The following ANKRD12 variants were observed in gnomAD, a reference collection of about 807,000 sequenced individuals.
ANKRD12 encodes ankyrin repeat domain-containing protein 12.
In ANKRD12, 85 loss-of-function variants were observed where a neutral mutation model predicts 183.4. That is an observed-to-expected ratio of 0.46 (90% confidence interval 0.39 to 0.56). The LOEUF is 0.56. ANKRD12 is among the 20% of genes least tolerant of loss of function. ANKRD12 has a pLI of 0.00. For missense variants in ANKRD12, 2,405 were observed against 2,357.1 expected, an observed-to-expected ratio of 1.02 and a Z score of -0.42; for synonymous variants, 914 against 800.2, an observed-to-expected ratio of 1.14 and a Z score of -2.40.
chr18:9,220,741 CAA>C (rs1266788916), intron 7 of ANKRD12, among the ~76,000 whole-genome samples: 4 of 152,202 alleles, frequency 2.6e-5, no homozygotes, highest in East Asian at 3.9e-4. Context: ...AGAAAGCAGA[CAA>C]GAGAATGAAT....
At chr18:9,175,850 C>T (rs1292673627) in intron 1 of ANKRD12, among the ~76,000 whole-genome samples, 2 of 152,072 alleles carry the variant, frequency 1.3e-5, no homozygotes, top group African/African-American at 4.8e-5. Context: ...TGACAAAGTT[C>T]AGCCTCATCC....
chr18:9,156,426 T>C (rs898828644), intron 1 of ANKRD12, among the ~76,000 whole-genome samples: 2 of 152,094 alleles, frequency 1.3e-5, no homozygotes, highest in Non-Finnish European at 2.9e-5. Flanking sequence ...GACAGAGTAT[T>C]GGTGGAACAG....
At chr18:9,215,973 A>G (rs1197350609) in intron 6 of ANKRD12, among the ~76,000 whole-genome samples, 1 of 151,802 alleles carries the variant, frequency 6.6e-6, no homozygotes, top group African/African-American at 2.4e-5. Flanking sequence ...GCCAGAAAAC[A>G]GATTGACCTT....
At chr18:9,181,483 T>C (rs2033696622) in intron 1 of ANKRD12, among the ~76,000 whole-genome samples, 1 of 152,220 alleles carries the variant, frequency 6.6e-6, no homozygotes, top group African/African-American at 2.4e-5. Flanking sequence ...GTCATTCTGC[T>C]TCTTGTTGTA....
chr18:9,162,472 C>T (rs1187579771), intron 1 of ANKRD12, among the ~76,000 whole-genome samples: 15 of 152,088 alleles, frequency 9.9e-5, no homozygotes, highest in African/African-American at 3.6e-4. Context: ...GGGGTTGATT[C>T]CATGTCTTTG....
intron 1 of ANKRD12, chr18:9,137,989 C>G (rs966269594): frequency 1.3e-5 from 2 of 152,216 alleles, no homozygotes; most frequent in African/African-American, 4.8e-5. Context: ...AGTGTAGTCA[C>G]CGGGATTGTA....
intron 3 of ANKRD12, among the ~76,000 whole-genome samples, chr18:9,199,505 T>G (rs2035045096): frequency 6.6e-6 from 1 of 152,142 alleles, no homozygotes; most frequent in African/African-American, 2.4e-5. Flanking sequence ...ATAAATGTTA[T>G]AAACCTTGAC....
intron 1 of ANKRD12, among the ~76,000 whole-genome samples, chr18:9,144,875 ATTTG>A (rs997514346): frequency 2.6e-5 from 4 of 151,850 alleles, no homozygotes; most frequent in African/African-American, 9.7e-5. Context: ...TTATGTATGT[ATTTG>A]TATGTATGTA....
intron 1 of ANKRD12, among the ~76,000 whole-genome samples, chr18:9,152,842 C>G (rs1430486688): frequency 6.6e-6 from 1 of 151,958 alleles, no homozygotes; most frequent in African/African-American, 2.4e-5. Context: ...TGGGCTTTTT[C>G]CCTCTCCTTG....
chr18:9,189,292 A>G (rs182859467), intron 2 of ANKRD12, among the ~76,000 whole-genome samples: 3 of 152,338 alleles, frequency 2.0e-5, no homozygotes, highest in Non-Finnish European at 4.4e-5. Flanking sequence ...CTGCAGAAGA[A>G]AAGTCTGAAG....
chr18:9,239,475 A>G (rs538242541), intron 8 of ANKRD12: 17 of 1,272,574 alleles, frequency 1.3e-5, no homozygotes, highest in Non-Finnish European at 1.7e-5. Context: ...TTGATTTTTC[A>G]GAATATTTAT....
At chr18:9,247,187 T>G (rs564454418) in intron 8 of ANKRD12, among the ~76,000 whole-genome samples, 2 of 152,172 alleles carry the variant, frequency 1.3e-5, no homozygotes, top group South Asian at 4.1e-4. Flanking sequence ...TAGAGCCTAC[T>G]ATTAACTAAT....
In ANKRD12 at chr18:9,221,898, A is replaced by G; in HGVS notation, c.842A>G (p.Asn281Ser). 6.2e-7 allele frequency: 1 copy of G among 1,614,052 alleles called. No individual in the cohort carries two copies. The highest frequency in any genetic ancestry group is 8.5e-7 in the Non-Finnish European group (1 of 1,179,940). ...CACGGTGGAAATCCATTTCAAGCTA[A>G]TAAACATGGGGAGCGTCCAGTGGAT... is the stretch of plus-strand genomic sequence containing the variant. ...LRHGGNPFQA[N>S]KHGERPVDVA... The change falls in exon 8 of 13, where the codon AAT becomes AGT. Residue 281 changes from asparagine (N) to serine (S), a missense_variant. This residue lies in a region of ANKRD12 where 40 missense variants were observed against 54.2 expected (regional missense o/e 0.74). Transcript: ENST00000262126.
At chr18:9,233,148 G>A (rs1336579383) in intron 8 of ANKRD12, among the ~76,000 whole-genome samples, 2 of 151,912 alleles carry the variant, frequency 1.3e-5, no homozygotes, top group Non-Finnish European at 2.9e-5. Flanking sequence ...CACTGTGCCT[G>A]GCCAAGACCG....
chr18:9,233,760 G>GGGACA (rs2037185527), intron 8 of ANKRD12, among the ~76,000 whole-genome samples: 3 of 152,292 alleles, frequency 2.0e-5, no homozygotes, highest in African/African-American at 7.2e-5. Flanking sequence ...AGTTTTGCTA[G>GGGACA]GGACAGACAT....
chr18:9,223,167 C>G (rs2036515879), intron 8 of ANKRD12, among the ~76,000 whole-genome samples: 1 of 151,948 alleles, frequency 6.6e-6, no homozygotes, highest in South Asian at 2.1e-4. Flanking sequence ...ACCTGTAATC[C>G]CAGCGCTTTG....
At chr18:9,247,907 C>T (rs1025635750) in intron 8 of ANKRD12, among the ~76,000 whole-genome samples, 1 of 152,124 alleles carries the variant, frequency 6.6e-6, no homozygotes, top group African/African-American at 2.4e-5. Flanking sequence ...CTGCCTTAGC[C>T]ACCCAAGTAG....
At position 9,211,761 on chromosome 18, in the gene ANKRD12, A is replaced by G; in HGVS notation, c.629A>G (p.Asn210Ser). Residue 210 changes from asparagine (N) to serine (S), a missense_variant, in exon 6 of 13, where the codon AAT (asparagine) becomes AGT (serine). By Grantham distance (46) the Asn-to-Ser change is conservative. Transcript: ENST00000262126. ...AAAGAATTAATAAGTTTAGGGGCAA[A>G]TGTGAATGTGAAAGATTTTGCAGGT... is the stretch of plus-strand genomic sequence containing the variant. ...QVKELISLGA[N>S]VNVKDFAGWT... 6.2e-7 allele frequency: 1 copy of G among 1,613,506 alleles called. No individual in the cohort carries two copies. Among genetic ancestry groups the G allele is most frequent in the Non-Finnish European group, 8.5e-7 (1 of 1,179,680 alleles).
chr18:9,254,393 G>T lies in ANKRD12; in HGVS notation c.1126G>T (p.Asp376Tyr). ...TGATGAAGAAATTAATAAGATGATT[G>T]ATGATAGGCATATTCTTAGGAAAGA... ...DDDEEINKMI[D>Y]DRHILRKEQR... The change falls in exon 9 of 13, where the codon GAT becomes TAT. Residue 376 changes from aspartate (D) to tyrosine (Y), a missense_variant. Transcript: ENST00000262126. The T allele has an allele frequency of 6.2e-7, 1 of 1,605,750 alleles. No homozygotes were observed. Among genetic ancestry groups the T allele is most frequent in the East Asian group, 2.2e-5 (1 of 44,672 alleles).
Sources: gnomAD v4.1 joint callset for allele counts (sites outside exome capture counted in the v4.1 genomes callset) on GRCh38, gnomAD v4.1.1 for gene constraint, gnomAD v4.1.1 regional missense constraint, MANE v1.5 for transcripts, NCBI Gene and HGNC (gene_info 2026-07-23, HGNC 2026-07-21) for gene names.